Variants in CLSTN2 observed in about 807,000 individuals in gnomAD.
CLSTN2 encodes the protein calsyntenin-2.
CLSTN2 carries 48 observed loss-of-function variants against 101.2 expected under a neutral mutation model. That is an observed-to-expected ratio of 0.47 (90% confidence interval 0.38 to 0.60). The LOEUF (loss-of-function observed/expected upper bound fraction) is 0.60, where lower values mean the gene tolerates loss of function less well. Among genes scored for constraint, CLSTN2 ranks in the 20% least tolerant of loss-of-function variants. The probability of loss-of-function intolerance (pLI) is 0.00; values close to 1 mark genes in which losing one functional copy is unlikely to be tolerated. For missense variants in CLSTN2, 1,160 were observed against 1,238.2 expected (o/e 0.94, Z 0.95); for synonymous variants, 481 against 463.6 (o/e 1.04, Z -0.48).
In CLSTN2 at chr3:140,576,392, C is replaced by T. The variant is rs1320821891; in HGVS notation, c.*10139C>T. The T allele has an allele frequency of 6.6e-6, 1 of 152,222 alleles. No homozygotes were observed. The highest frequency in any genetic ancestry group is 2.4e-5 in the African/African-American group (1 of 41,456). 9.4% of individuals were successfully genotyped at this position (152,222 alleles called of 1,614,324 possible). On this transcript the variant is annotated 3_prime_UTR_variant, in exon 17 of 17. Transcript: ENST00000458420. Reference sequence around the variant, plus strand: ...CGTTGCCCAAACACTTGGTATAATGCTATTGAATTTTTCACCTCCAGGCAT... The same window carrying T: ...CGTTGCCCAAACACTTGGTATAATGTTATTGAATTTTTCACCTCCAGGCAT...
At chr3:140,511,127 G>C (rs148160058) in intron 8 of CLSTN2, among the ~76,000 whole-genome samples, 5,357 of 152,200 alleles carry the variant, frequency 0.035, 318 homozygotes, top group African/African-American at 0.12. Flanking sequence ...TTGGTTTTTT[G>C]TTCCTGTGTT....
At chr3:139,981,864 T>A (rs1159097171) in intron 1 of CLSTN2, among the ~76,000 whole-genome samples, 3 of 152,328 alleles carry the variant, frequency 2.0e-5, no homozygotes, top group East Asian at 1.9e-4. Context: ...ATTTCCACAC[T>A]GGGAATCACA....
chr3:140,177,055 G>A (rs564216941), intron 2 of CLSTN2, among the ~76,000 whole-genome samples: 10 of 152,272 alleles, frequency 6.6e-5, no homozygotes, highest in African/African-American at 1.4e-4. Flanking sequence ...AGCATGGAGC[G>A]AGAAGGTAGT....
intron 1 of CLSTN2, among the ~76,000 whole-genome samples, chr3:140,117,264 G>T (rs2009260539): frequency 6.6e-6 from 1 of 152,174 alleles, no homozygotes; most frequent in Non-Finnish European, 1.5e-5. Context: ...AGCCAAGAAT[G>T]TGTCCTACAC....
chr3:140,462,305 T>C (rs1351911304), intron 7 of CLSTN2, among the ~76,000 whole-genome samples: 4 of 152,320 alleles, frequency 2.6e-5, no homozygotes, highest in Non-Finnish European at 5.9e-5. Context: ...AACTCTGCCA[T>C]GTAGATTTAT....
chr3:140,510,706 A>G (rs1212128814), intron 8 of CLSTN2, among the ~76,000 whole-genome samples: 1 of 152,224 alleles, frequency 6.6e-6, no homozygotes, highest in Non-Finnish European at 1.5e-5. Flanking sequence ...ATTACCTTCC[A>G]GTGAAAACAC....
intron 1 of CLSTN2, among the ~76,000 whole-genome samples, chr3:140,051,730 G>T (rs1441122608): frequency 6.6e-6 from 1 of 152,200 alleles, no homozygotes; most frequent in African/African-American, 2.4e-5. Flanking sequence ...TCATATCAGA[G>T]ATGGTGGTGT....
chr3:140,554,013 A>G (rs1673418625), intron 10 of CLSTN2, among the ~76,000 whole-genome samples: 1 of 152,158 alleles, frequency 6.6e-6, no homozygotes, highest in African/African-American at 2.4e-5. Flanking sequence ...GGGCTTTCAG[A>G]ACACTAAGGC....
intron 2 of CLSTN2, among the ~76,000 whole-genome samples, chr3:140,398,988 G>T (rs2088212885): frequency 6.6e-6 from 1 of 152,194 alleles, no homozygotes; most frequent in Non-Finnish European, 1.5e-5. Context: ...TTCTGGTCTG[G>T]CCCTGAAGGG....
chr3:140,105,448 G>C (rs760859783), intron 1 of CLSTN2, among the ~76,000 whole-genome samples: 1 of 152,172 alleles, frequency 6.6e-6, no homozygotes, highest in Non-Finnish European at 1.5e-5. Context: ...TGATTGGATA[G>C]TAGCCTCTGT....
At chr3:140,161,688 C>G (rs187012660) in intron 1 of CLSTN2, among the ~76,000 whole-genome samples, 4 of 152,282 alleles carry the variant, frequency 2.6e-5, no homozygotes, top group Non-Finnish European at 2.9e-5. Flanking sequence ...TCTCTCCCCT[C>G]CTACTGTCCC....
chr3:140,235,901 T>C (rs917629136), intron 2 of CLSTN2, among the ~76,000 whole-genome samples: 4 of 152,046 alleles, frequency 2.6e-5, no homozygotes, highest in Non-Finnish European at 2.9e-5. Context: ...GGAAAGGAGA[T>C]AGTAGTGAAG....
At chr3:140,537,676 T>A (rs1159649422) in intron 9 of CLSTN2, among the ~76,000 whole-genome samples, 3 of 152,220 alleles carry the variant, frequency 2.0e-5, no homozygotes, top group Non-Finnish European at 1.5e-5. Flanking sequence ...TCTTTATTTC[T>A]CTCTGGGTCA....
chr3:140,557,412 G>T (rs1302963158), intron 11 of CLSTN2, among the ~76,000 whole-genome samples: 1 of 152,216 alleles, frequency 6.6e-6, no homozygotes, highest in Non-Finnish European at 1.5e-5. Context: ...AATAGTTCTA[G>T]AACAATGGAG....
chr3:140,290,525 A>T (rs1024000785), intron 2 of CLSTN2, among the ~76,000 whole-genome samples: 1 of 152,128 alleles, frequency 6.6e-6, no homozygotes, highest in Non-Finnish European at 1.5e-5. Flanking sequence ...GAGGAAAAGG[A>T]GGAGGTAGGG....
intron 5 of CLSTN2, among the ~76,000 whole-genome samples, chr3:140,443,820 G>A (rs560560880): frequency 6.6e-6 from 1 of 152,158 alleles, no homozygotes; most frequent in Non-Finnish European, 1.5e-5. Flanking sequence ...AAGCCCACGA[G>A]GGGATATAAT....
intron 2 of CLSTN2, among the ~76,000 whole-genome samples, chr3:140,369,627 C>T (rs577459703): frequency 7.9e-5 from 12 of 152,220 alleles, no homozygotes; most frequent in Admixed American, 3.9e-4. Context: ...TCTGCTTGGC[C>T]GCATGAGTTG....
Position 140,571,092 on chromosome 3 carries a change from A to T in CLSTN2, c.*4839A>T, listed in dbSNP as rs967335588. ...TGCCTGGTTACTGAGTGCTAACTCC[A>T]CTGAGGCAAGTGTTAGCCCCCCAAG... On this transcript the variant is annotated 3_prime_UTR_variant, in exon 17 of 17. Transcript: ENST00000458420. 2.0e-5 allele frequency: 3 copies of T among 152,356 alleles called. No homozygotes were observed. The highest frequency in any genetic ancestry group is 7.2e-5 in the African/African-American group (3 of 41,584). 9.4% of individuals were successfully genotyped at this position (152,356 alleles called of 1,614,324 possible). A position where few individuals can be genotyped will look rare whatever the true frequency, so the allele number is the denominator to read the frequency against.
At chr3:140,322,241 C>T (rs754004090) in intron 2 of CLSTN2, among the ~76,000 whole-genome samples, 3 of 152,228 alleles carry the variant, frequency 2.0e-5, no homozygotes, top group South Asian at 4.1e-4. Flanking sequence ...CTGGCAGCAA[C>T]GGACCAACCT....
Sources: gnomAD v4.1 joint callset for allele counts (sites outside exome capture counted in the v4.1 genomes callset) on GRCh38, gnomAD v4.1.1 for gene constraint, MANE v1.5 for transcripts, NCBI Gene and HGNC (gene_info 2026-07-23, HGNC 2026-07-21) for gene names.